The following FRMD5 variants were observed in gnomAD, a reference collection of about 807,000 sequenced individuals.
FRMD5 encodes the protein FERM domain-containing protein 5.
A neutral mutation model predicts 69.0 loss-of-function variants in FRMD5; 20 were observed. That is an observed-to-expected ratio of 0.29 (90% CI 0.20 to 0.42). The LOEUF (loss-of-function observed/expected upper bound fraction) is 0.42. Ranked by LOEUF, FRMD5 falls within the 10% of genes least tolerant of loss-of-function variation. FRMD5 has a pLI of 1.00. For missense variants in FRMD5, 595 were observed against 708.6 expected (o/e 0.84, Z 1.82); for synonymous variants, 271 against 260.1 (o/e 1.04, Z -0.40).
At chr15:44,164,449 G>A (rs2002176) in intron 1 of FRMD5, among the ~76,000 whole-genome samples, 11,743 of 152,060 alleles carry the variant, frequency 0.077, 788 homozygotes, top group Non-Finnish European at 0.11. Context: ...CCACATAGAA[G>A]ATAGATTGTG....
intron 1 of FRMD5, chr15:44,063,514 G>A: frequency 4.6e-6 from 2 of 436,408 alleles, no homozygotes; most frequent in Non-Finnish European, 8.9e-6. Flanking sequence ...GGACACCATG[G>A]TGAAGGTGAA....
chr15:43,903,879 G>T (rs2089106365), intron 6 of FRMD5, among the ~76,000 whole-genome samples: 1 of 152,240 alleles, frequency 6.6e-6, no homozygotes, highest in East Asian at 1.9e-4. Context: ...GGCAGTTCCA[G>T]CACATCCCTG....
At chr15:43,954,365 G>C (rs1254061591) in intron 1 of FRMD5, among the ~76,000 whole-genome samples, 1 of 152,170 alleles carries the variant, frequency 6.6e-6, no homozygotes, top group East Asian at 1.9e-4. Flanking sequence ...GCCCACAAAG[G>C]CACCATGTGA....
At chr15:43,914,380 A>G (rs762527224) in intron 4 of FRMD5, among the ~76,000 whole-genome samples, 8 of 152,142 alleles carry the variant, frequency 5.3e-5, no homozygotes, top group Non-Finnish European at 1.0e-4. Context: ...TTCCTCCCCA[A>G]TATTAGACTG....
At chr15:43,981,446 T>G (rs993424603) in intron 1 of FRMD5, among the ~76,000 whole-genome samples, 1 of 152,128 alleles carries the variant, frequency 6.6e-6, no homozygotes, top group African/African-American at 2.4e-5. Flanking sequence ...GGAAAAGGGG[T>G]TGGTCTTACT....
chr15:43,993,348 A>G (rs1889774161), intron 1 of FRMD5, among the ~76,000 whole-genome samples: 2 of 152,094 alleles, frequency 1.3e-5, no homozygotes, highest in Admixed American at 1.3e-4. Context: ...GCGTGCCACC[A>G]TGCCCGGCTA....
intron 1 of FRMD5, among the ~76,000 whole-genome samples, chr15:44,085,863 T>C (rs1044420570): frequency 9.2e-5 from 14 of 152,104 alleles, no homozygotes; most frequent in African/African-American, 3.1e-4. Context: ...ACCCCATATA[T>C]ACATTATCCT....
chr15:43,995,383 C>T (rs1889872137), intron 1 of FRMD5, among the ~76,000 whole-genome samples: 2 of 152,190 alleles, frequency 1.3e-5, no homozygotes, highest in African/African-American at 4.8e-5. Flanking sequence ...AGGGCTGAAG[C>T]CTGATTTCAA....
chr15:43,965,103 A>G (rs1349664610), intron 1 of FRMD5, among the ~76,000 whole-genome samples: 1 of 152,250 alleles, frequency 6.6e-6, no homozygotes, highest in African/African-American at 2.4e-5. Flanking sequence ...TTAAATTGAC[A>G]GGGATTCCAG....
intron 1 of FRMD5, among the ~76,000 whole-genome samples, chr15:43,973,398 C>G (rs2090416340): frequency 6.7e-6 from 1 of 149,524 alleles, no homozygotes; most frequent in African/African-American, 2.5e-5. Flanking sequence ...CAGAGTCTTG[C>G]TCTATCTCAC....
chr15:43,967,824 T>C (rs949342721), intron 1 of FRMD5, among the ~76,000 whole-genome samples: 6 of 152,062 alleles, frequency 3.9e-5, no homozygotes, highest in Non-Finnish European at 8.8e-5. Flanking sequence ...TAGGTATACA[T>C]GTGTCATGAT....
chr15:43,944,016 G>C (rs1258676045), intron 1 of FRMD5, among the ~76,000 whole-genome samples: 5 of 152,228 alleles, frequency 3.3e-5, no homozygotes, highest in Non-Finnish European at 7.3e-5. Flanking sequence ...GGCTCTCCAT[G>C]ATTGGTCATT....
chr15:44,195,347 C>G, upstream of FRMD5: 1 of 453,922 alleles, frequency 2.2e-6, no homozygotes, highest in South Asian at 2.9e-5. Context: ...TGGGGGTCAG[C>G]GCGGCGGAAC....
intron 1 of FRMD5, among the ~76,000 whole-genome samples, chr15:44,020,131 C>A (rs1428488437): frequency 1.3e-5 from 2 of 151,914 alleles, no homozygotes; most frequent in African/African-American, 4.8e-5. Flanking sequence ...GATATCATAT[C>A]ATATCTTTTT....
intron 1 of FRMD5, among the ~76,000 whole-genome samples, chr15:44,040,633 C>T (rs918768549): frequency 3.3e-5 from 5 of 152,028 alleles, no homozygotes; most frequent in African/African-American, 1.2e-4. Context: ...TTTGTCACCA[C>T]CAGGCCTGCC....
At chr15:44,156,614 A>G (rs528679279) in intron 1 of FRMD5, among the ~76,000 whole-genome samples, 4 of 152,334 alleles carry the variant, frequency 2.6e-5, no homozygotes, top group Admixed American at 2.0e-4. Flanking sequence ...AGGAACATAT[A>G]TATGATCTAA....
intron 1 of FRMD5, among the ~76,000 whole-genome samples, chr15:44,113,055 C>CTT: frequency 6.6e-6 from 1 of 152,302 alleles, no homozygotes; most frequent in South Asian, 2.1e-4. Flanking sequence ...CTTTCTTTAA[C>CTT]TTTTGCCCTT....
chr15:44,071,306 T>C (rs1893528111), intron 1 of FRMD5, among the ~76,000 whole-genome samples: 1 of 152,108 alleles, frequency 6.6e-6, no homozygotes. Flanking sequence ...CTCACACCTG[T>C]AATCCCAGCA....
chr15:43,963,959 T>G (rs991515521), intron 1 of FRMD5, among the ~76,000 whole-genome samples: 1 of 152,050 alleles, frequency 6.6e-6, no homozygotes, highest in Non-Finnish European at 1.5e-5. Context: ...TAATGCTAAA[T>G]GACGAGTTAA....
Sources: gnomAD v4.1 joint callset for allele counts (sites outside exome capture counted in the v4.1 genomes callset) on GRCh38, gnomAD v4.1.1 for gene constraint, MANE v1.5 for transcripts, NCBI Gene and HGNC (gene_info 2026-07-23, HGNC 2026-07-21) for gene names.